The following ZC3H12B variants were observed in gnomAD, a reference collection of about 807,000 sequenced individuals.
The protein encoded by ZC3H12B is probable ribonuclease ZC3H12B.
A neutral mutation model predicts 43.9 loss-of-function variants in ZC3H12B; 7 were observed. The observed-to-expected ratio is 0.16, with a 90% CI of 0.09 to 0.30. The LOEUF is 0.30. ZC3H12B is among the 10% of genes least tolerant of loss of function. The pLI is 1.00. For missense variants in ZC3H12B, 475 were observed against 670.2 expected (o/e 0.71, Z 3.22); for synonymous variants, 222 against 241.7 (o/e 0.92, Z 0.76).
At chrX:65,063,221 G>T in the ZC3H12B span, among the ~76,000 whole-genome samples, 2 of 111,792 alleles carry the variant, frequency 1.8e-5, no homozygotes, top group African/African-American at 3.3e-5. Flanking sequence ...GTAAGAGAGG[G>T]CATCCTTGTC....
At chrX:65,145,576 G>A in the ZC3H12B span, among the ~76,000 whole-genome samples, 5 of 111,226 alleles carry the variant, frequency 4.5e-5, no homozygotes, top group South Asian at 1.9e-3. Flanking sequence ...CTGTATTTTT[G>A]TTTTATAGGT....
chrX:65,390,222 T>C (rs1039765890), intron 2 of ZC3H12B, among the ~76,000 whole-genome samples: 2 of 108,801 alleles, frequency 1.8e-5, no homozygotes, highest in African/African-American at 6.7e-5. Flanking sequence ...ACACTTGGAC[T>C]CAGGAAGGGG....
chrX:65,332,378 G>A, the ZC3H12B span, among the ~76,000 whole-genome samples: 4 of 111,691 alleles, frequency 3.6e-5, no homozygotes, highest in Admixed American at 2.9e-4. Flanking sequence ...ATTAATAAAT[G>A]TTCAATTTAA....
chrX:65,253,650 T>C, the ZC3H12B span, among the ~76,000 whole-genome samples: 1 of 112,239 alleles, frequency 8.9e-6, no homozygotes, highest in East Asian at 2.8e-4. Context: ...TGCTGGCCTC[T>C]TATGGGGCCC....
At chrX:65,200,971 T>G in the ZC3H12B span, among the ~76,000 whole-genome samples, 2 of 111,615 alleles carry the variant, frequency 1.8e-5, no homozygotes, top group Non-Finnish European at 3.8e-5. Flanking sequence ...TTTGCATCGA[T>G]GTTCATCAAG....
At position 65,374,087 on chromosome X, in the gene ZC3H12B, G is replaced by GT. The variant is rs1448797383; in HGVS notation, n.295+5090dup. Among the ~76,000 whole-genome samples, 134 of 55,552 alleles carry GT rather than the reference G, an allele frequency of 2.4e-3. 2 individuals carry two copies. The highest frequency in any genetic ancestry group is 0.011 in the African/African-American group (83 of 7,806). 48.2% of individuals were successfully genotyped at this position (55,552 alleles called of 115,157 possible). The stretch of plus-strand genomic sequence containing the variant: ...TATACAGTATATATAACTATATATA[G>GT]TATATATATAACTATATATAGGTTA... On this transcript the variant is annotated intron_variant and non_coding_transcript_variant, in intron 2 of 5. Transcript: ENST00000617377.
chrX:65,087,421 G>A, the ZC3H12B span, among the ~76,000 whole-genome samples: 252 of 112,423 alleles, frequency 2.2e-3, no homozygotes, highest in Non-Finnish European at 3.5e-3. Flanking sequence ...CACGGGAGTT[G>A]AAGATATATA....
chrX:65,432,861 C>T (rs937014009), intron 3 of ZC3H12B, among the ~76,000 whole-genome samples: 18 of 111,893 alleles, frequency 1.6e-4, no homozygotes, highest in Non-Finnish European at 2.8e-4. Flanking sequence ...CCACTTTTTG[C>T]TCCTATGTCC....
At chrX:65,097,092 G>A in the ZC3H12B span, among the ~76,000 whole-genome samples, 1 of 111,920 alleles carries the variant, frequency 8.9e-6, no homozygotes, top group Non-Finnish European at 1.9e-5. Context: ...GGACAAAAGT[G>A]GAGCCTTTAC....
At chrX:65,179,361 C>T in the ZC3H12B span, among the ~76,000 whole-genome samples, 4 of 107,325 alleles carry the variant, frequency 3.7e-5, no homozygotes, top group South Asian at 1.2e-3. Context: ...ACCTATGTAA[C>T]AAACCTGCAT....
chrX:65,450,731 A>G (rs1430028486), intron 3 of ZC3H12B, among the ~76,000 whole-genome samples: 1 of 47,411 alleles, frequency 2.1e-5, no homozygotes, highest in Admixed American at 2.7e-4. Context: ...ATATGTGTAT[A>G]TATGTATATA....
At chrX:65,337,247 C>A in the ZC3H12B span, among the ~76,000 whole-genome samples, 1 of 111,794 alleles carries the variant, frequency 8.9e-6, no homozygotes, top group African/African-American at 3.3e-5. Context: ...TCAGTATCGT[C>A]CCTTTGGGGT....
At chrX:65,291,821 A>C in the ZC3H12B span, among the ~76,000 whole-genome samples, 4 of 112,425 alleles carry the variant, frequency 3.6e-5, no homozygotes, top group Non-Finnish European at 7.5e-5. Flanking sequence ...TTTTTAAACA[A>C]CAGATGGAGA....
the ZC3H12B span, among the ~76,000 whole-genome samples, chrX:65,315,997 A>G: frequency 8.9e-6 from 1 of 112,032 alleles, no homozygotes; most frequent in African/African-American, 3.2e-5. Context: ...GATAGAGCTG[A>G]AAAACTGGCT....
intron 2 of ZC3H12B, among the ~76,000 whole-genome samples, chrX:65,376,283 G>A (rs1473517971): frequency 8.9e-6 from 1 of 112,134 alleles, no homozygotes; most frequent in Non-Finnish European, 1.9e-5. Flanking sequence ...GATTTCTAAG[G>A]TTTTTGACTC....
At chrX:65,340,328 T>C in the ZC3H12B span, among the ~76,000 whole-genome samples, 2 of 112,106 alleles carry the variant, frequency 1.8e-5, no homozygotes, top group Non-Finnish European at 3.8e-5. Flanking sequence ...TCTCAGCACC[T>C]GATGGCACCC....
At chrX:65,170,423 C>T in the ZC3H12B span, among the ~76,000 whole-genome samples, 2 of 111,948 alleles carry the variant, frequency 1.8e-5, no homozygotes, top group African/African-American at 6.5e-5. Context: ...TGATGGGCTT[C>T]CCTTTGTAGG....
chrX:65,153,894 G>A, the ZC3H12B span, among the ~76,000 whole-genome samples: 1 of 111,035 alleles, frequency 9.0e-6, no homozygotes, highest in East Asian at 2.8e-4. Flanking sequence ...GGAATACTAT[G>A]CAGCCATAAA....
At chrX:65,411,819 A>G (rs914533985) in intron 3 of ZC3H12B, among the ~76,000 whole-genome samples, 1 of 110,018 alleles carries the variant, frequency 9.1e-6, no homozygotes, top group East Asian at 2.8e-4. Context: ...TGGACGCCAC[A>G]TTTTTTATAA....
Sources: gnomAD v4.1 joint callset for allele counts (sites outside exome capture counted in the v4.1 genomes callset) on GRCh38, gnomAD v4.1.1 for gene constraint, MANE v1.5 for transcripts, NCBI Gene and HGNC (gene_info 2026-07-23, HGNC 2026-07-21) for gene names.